The following TCF7L2 variants were observed in gnomAD, a reference collection of about 807,000 sequenced individuals.
TCF7L2 encodes the protein transcription factor 7 like 2.
TCF7L2 carries 23 observed loss-of-function variants against 77.9 expected under a neutral mutation model. The observed-to-expected ratio is 0.30, with a 90% CI of 0.21 to 0.42. The LOEUF (loss-of-function observed/expected upper bound fraction) is 0.42. TCF7L2 is among the 10% of genes least tolerant of loss of function. The pLI is 1.00. For missense variants in TCF7L2, 654 were observed against 793.1 expected, an observed-to-expected ratio of 0.82 and a Z score of 2.11; for synonymous variants, 413 against 340.2, an observed-to-expected ratio of 1.21 and a Z score of -2.36.
At chr10:113,123,650 T>A (rs985557704) in intron 5 of TCF7L2, among the ~76,000 whole-genome samples, 58 of 152,210 alleles carry the variant, frequency 3.8e-4, no homozygotes, top group Non-Finnish European at 7.2e-4. Flanking sequence ...TGATTTTTTT[T>A]AAAGTGGCAT....
intron 5 of TCF7L2, among the ~76,000 whole-genome samples, chr10:113,069,466 G>C (rs1205833060): frequency 1.3e-5 from 2 of 152,082 alleles, no homozygotes; most frequent in Non-Finnish European, 2.9e-5. Flanking sequence ...CTGACCTCAA[G>C]TGATCCGCCC....
intron 5 of TCF7L2, among the ~76,000 whole-genome samples, chr10:113,073,961 C>A (rs1477143194): frequency 1.3e-5 from 2 of 152,186 alleles, no homozygotes; most frequent in Admixed American, 1.3e-4. Context: ...GCACCAGGGT[C>A]GTGTGCTGGG....
intron 5 of TCF7L2, among the ~76,000 whole-genome samples, chr10:113,057,177 T>G (rs1008665293): frequency 1.3e-5 from 2 of 152,164 alleles, no homozygotes; most frequent in African/African-American, 4.8e-5. Context: ...CTCTTGTCTC[T>G]CCTACCCTGT....
At chr10:113,113,383 C>A (rs930841775) in intron 5 of TCF7L2, among the ~76,000 whole-genome samples, 1 of 152,184 alleles carries the variant, frequency 6.6e-6, no homozygotes, top group Non-Finnish European at 1.5e-5. Flanking sequence ...CGCACCTCCC[C>A]ACCAGTGCTT....
At chr10:113,036,282 G>T (rs1241676709) in intron 4 of TCF7L2, among the ~76,000 whole-genome samples, 2 of 152,050 alleles carry the variant, frequency 1.3e-5, no homozygotes, top group Non-Finnish European at 2.9e-5. Flanking sequence ...GCTGATGGAA[G>T]ATTCTCAAGG....
intron 3 of TCF7L2, among the ~76,000 whole-genome samples, chr10:112,955,287 T>C (rs1444000282): frequency 1.3e-5 from 2 of 152,248 alleles, no homozygotes; most frequent in African/African-American, 4.8e-5. Flanking sequence ...CTAATTGTTT[T>C]TCATCTCCTT....
chr10:112,991,494 C>CTTGCA (rs1564753790), intron 4 of TCF7L2, among the ~76,000 whole-genome samples: 3 of 147,376 alleles, frequency 2.0e-5, no homozygotes, highest in African/African-American at 7.6e-5. Context: ...GGCGACAGAG[C>CTTGCA]GAGACTCCAT....
At chr10:112,983,795 A>C in intron 4 of TCF7L2, among the ~76,000 whole-genome samples, 1 of 152,246 alleles carries the variant, frequency 6.6e-6, no homozygotes. Flanking sequence ...GTTTCACTGC[A>C]GGTGAGTCTG....
At chr10:113,095,941 C>T (rs933245396) in intron 5 of TCF7L2, among the ~76,000 whole-genome samples, 3 of 152,134 alleles carry the variant, frequency 2.0e-5, no homozygotes, top group South Asian at 2.1e-4. Flanking sequence ...CTTTGTGTCT[C>T]GTGTGACAAA....
At chr10:113,035,250 C>T (rs142141588) in intron 4 of TCF7L2, among the ~76,000 whole-genome samples, 3 of 152,232 alleles carry the variant, frequency 2.0e-5, no homozygotes, top group Non-Finnish European at 4.4e-5. Context: ...ATTAGGCCAC[C>T]GGACATGCTT....
intron 5 of TCF7L2, among the ~76,000 whole-genome samples, chr10:113,049,358 C>T (rs1476833844): frequency 4.6e-5 from 7 of 152,018 alleles, no homozygotes; most frequent in Non-Finnish European, 1.0e-4. Context: ...CAACATCGAC[C>T]CATTACTTAG....
intron 5 of TCF7L2, among the ~76,000 whole-genome samples, chr10:113,118,520 G>GTGTGT (rs1555084612): frequency 0.046 from 6,440 of 141,440 alleles, 285 homozygotes; most frequent in African/African-American, 0.11. Context: ...TCATCTGGGG[G>GTGTGT]GTGTGTGTGT....
intron 4 of TCF7L2, among the ~76,000 whole-genome samples, chr10:112,995,146 T>G (rs2043236402): frequency 6.6e-6 from 1 of 152,052 alleles, no homozygotes; most frequent in Non-Finnish European, 1.5e-5. Context: ...TCCACCCTCC[T>G]CCTCAGGGGA....
chr10:113,121,287 A>G (rs865870500), intron 5 of TCF7L2, among the ~76,000 whole-genome samples: 1 of 152,108 alleles, frequency 6.6e-6, no homozygotes, highest in South Asian at 2.1e-4. Context: ...TTCCTCTCCT[A>G]GCTGTCTGTG....
At chr10:112,992,593 G>C (rs1415822062) in intron 4 of TCF7L2, among the ~76,000 whole-genome samples, 1 of 152,098 alleles carries the variant, frequency 6.6e-6, no homozygotes, top group Non-Finnish European at 1.5e-5. Context: ...AGTGCCCGGA[G>C]CTCCTGGGAG....
At chr10:113,000,932 C>T (rs1247577466) in intron 4 of TCF7L2, among the ~76,000 whole-genome samples, 3 of 152,346 alleles carry the variant, frequency 2.0e-5, no homozygotes, top group South Asian at 2.1e-4. Flanking sequence ...TCCCGGCCTT[C>T]CACTGCAGTC....
At chr10:113,037,018 C>T (rs557938530) in intron 4 of TCF7L2, among the ~76,000 whole-genome samples, 12 of 152,224 alleles carry the variant, frequency 7.9e-5, no homozygotes, top group Non-Finnish European at 1.3e-4. Context: ...AATAGAAATT[C>T]CTGCTGCTTA....
intron 13 of TCF7L2, among the ~76,000 whole-genome samples, chr10:113,163,318 T>A (rs2137553772): frequency 6.6e-6 from 1 of 152,330 alleles, no homozygotes; most frequent in Middle Eastern, 3.4e-3. Flanking sequence ...AACAAGATTC[T>A]GTTTTGAGCC....
intron 3 of TCF7L2, among the ~76,000 whole-genome samples, chr10:112,952,083 C>T (rs966639920): frequency 2.0e-5 from 3 of 152,134 alleles, no homozygotes; most frequent in Non-Finnish European, 4.4e-5. Context: ...TTGGCTGCCG[C>T]TGCGGGCCAC....
Sources: allele counts gnomAD v4.1 joint callset (sites outside exome capture counted in the v4.1 genomes callset), GRCh38; gene constraint gnomAD v4.1.1; transcripts MANE v1.5; gene names NCBI Gene and HGNC (gene_info 2026-07-23, HGNC 2026-07-21).